The following CNTNAP5 variants were observed in gnomAD, a reference collection of about 807,000 sequenced individuals.
CNTNAP5 encodes the protein contactin associated protein family member 5, also known as contactin-associated protein-like 5.
Under a neutral mutation model 150.2 loss-of-function variants are expected in CNTNAP5, and 72 were observed. That is an observed-to-expected ratio of 0.48 (90% CI 0.40 to 0.58). The LOEUF is 0.58. Among genes scored for constraint, CNTNAP5 ranks in the 20% least tolerant of loss-of-function variants. The probability of loss-of-function intolerance (pLI) is 0.00; values close to 1 mark genes in which losing one functional copy is unlikely to be tolerated. For missense variants in CNTNAP5, 1,636 were observed against 1,626.2 expected, an observed-to-expected ratio of 1.01 and a Z score of -0.10; for synonymous variants, 672 against 619.8, an observed-to-expected ratio of 1.08 and a Z score of -1.25.
chr2:124,779,378 T>C (rs1681400782), intron 17 of CNTNAP5, among the ~76,000 whole-genome samples: 1 of 152,194 alleles, frequency 6.6e-6, no homozygotes, highest in Admixed American at 6.5e-5. Context: ...TTCTTTTTCT[T>C]CTGTCCAACC....
chr2:124,598,896 G>C (rs1434998986), intron 11 of CNTNAP5, among the ~76,000 whole-genome samples: 1 of 152,046 alleles, frequency 6.6e-6, no homozygotes, highest in Non-Finnish European at 1.5e-5. Flanking sequence ...GGGTGGGAGT[G>C]ACCCGATTTT....
At chr2:124,616,450 G>A (rs1677495450) in intron 12 of CNTNAP5, among the ~76,000 whole-genome samples, 1 of 152,126 alleles carries the variant, frequency 6.6e-6, no homozygotes, top group Admixed American at 6.5e-5. Flanking sequence ...GCCTTGCTCT[G>A]GGTTAGGCTT....
chr2:124,804,440 A>G (rs1004004389), intron 19 of CNTNAP5, among the ~76,000 whole-genome samples: 1 of 152,204 alleles, frequency 6.6e-6, no homozygotes, highest in African/African-American at 2.4e-5. Flanking sequence ...AGTCCCAAGA[A>G]GATTGCTATG....
chr2:124,296,929 G>C (rs930526135), intron 3 of CNTNAP5, among the ~76,000 whole-genome samples: 3 of 152,178 alleles, frequency 2.0e-5, no homozygotes, highest in Non-Finnish European at 4.4e-5. Context: ...ATCCTGTTCA[G>C]CAAACGTTGC....
intron 1 of CNTNAP5, among the ~76,000 whole-genome samples, chr2:124,176,933 C>T (rs941159591): frequency 6.7e-6 from 1 of 149,922 alleles, no homozygotes; most frequent in Non-Finnish European, 1.5e-5. Flanking sequence ...CAACTTCTGC[C>T]TCCTGGGTTC....
chr2:124,066,399 G>A (rs998062382), intron 1 of CNTNAP5, among the ~76,000 whole-genome samples: 1 of 152,144 alleles, frequency 6.6e-6, no homozygotes, highest in African/African-American at 2.4e-5. Context: ...TTAATCTAGT[G>A]ATGAGTTTTT....
chr2:124,244,297 T>A (rs1305941015), intron 3 of CNTNAP5, among the ~76,000 whole-genome samples: 1 of 152,096 alleles, frequency 6.6e-6, no homozygotes, highest in Admixed American at 6.6e-5. Flanking sequence ...TCTTTATATG[T>A]CCATTTAGCC....
intron 3 of CNTNAP5, among the ~76,000 whole-genome samples, chr2:124,276,837 A>G (rs537947945): frequency 7.7e-4 from 117 of 152,144 alleles, no homozygotes; most frequent in Non-Finnish European, 1.4e-3. Flanking sequence ...ACCCAGTAAC[A>G]TGTAAAAGGT....
chr2:124,791,962 G>T (rs1681744226), intron 18 of CNTNAP5, among the ~76,000 whole-genome samples: 1 of 152,018 alleles, frequency 6.6e-6, no homozygotes, highest in African/African-American at 2.4e-5. Context: ...AAGTAAGATG[G>T]CCTTTTTAGT....
At chr2:124,317,821 A>C (rs914562890) in intron 3 of CNTNAP5, among the ~76,000 whole-genome samples, 4 of 151,832 alleles carry the variant, frequency 2.6e-5, no homozygotes, top group African/African-American at 9.7e-5. Context: ...TGCACCCTTA[A>C]AGTAATGGAA....
rs550523945 is a variant in CNTNAP5 at position 124,725,655 on chromosome 2, T to A, written c.2078-21574T>A. On this transcript the variant is annotated intron_variant, in intron 13 of 23. Transcript: ENST00000682447. ...CAACTATAGTTATCATGCCACATAT[T>A]AGGTCTCCAGACCTTATTCTGCATA... Among the ~76,000 whole-genome samples, 3 of 152,210 alleles carry A rather than the reference T, an allele frequency of 2.0e-5. No homozygotes were observed. The East Asian group carries it at 5.8e-4, about 29-fold the overall frequency.
chr2:124,167,675 T>G (rs1330900179), intron 1 of CNTNAP5, among the ~76,000 whole-genome samples: 1 of 152,150 alleles, frequency 6.6e-6, no homozygotes, highest in Non-Finnish European at 1.5e-5. Context: ...ACAGCAATCT[T>G]AAGGACAGCT....
At chr2:124,452,409 G>C (rs536627868) in intron 6 of CNTNAP5, among the ~76,000 whole-genome samples, 1 of 152,218 alleles carries the variant, frequency 6.6e-6, no homozygotes, top group South Asian at 2.1e-4. Context: ...TAGAGTCTGA[G>C]TTCAGACATG....
At chr2:124,145,835 A>AAAAAAAAG (rs1684235018) in intron 1 of CNTNAP5, among the ~76,000 whole-genome samples, 4 of 49,790 alleles carry the variant, frequency 8.0e-5, no homozygotes, top group Admixed American at 5.8e-4. Context: ...AAAAGAAGAA[A>AAAAAAAAG]AAAAAAAAAA....
chr2:124,554,939 T>C (rs1346931686), intron 10 of CNTNAP5, among the ~76,000 whole-genome samples: 1 of 152,196 alleles, frequency 6.6e-6, no homozygotes, highest in African/African-American at 2.4e-5. Context: ...TTAGACTTAA[T>C]GTTTTTAGAA....
intron 1 of CNTNAP5, among the ~76,000 whole-genome samples, chr2:124,195,795 TC>T (rs1189061196): frequency 6.6e-6 from 1 of 152,110 alleles, no homozygotes; most frequent in Non-Finnish European, 1.5e-5. Flanking sequence ...TTGTCCTAAC[TC>T]AAGATTCTGT....
At chr2:124,538,628 T>G (rs1177769540) in intron 10 of CNTNAP5, among the ~76,000 whole-genome samples, 3 of 83,730 alleles carry the variant, frequency 3.6e-5, no homozygotes, top group East Asian at 3.1e-4. Context: ...AAAGGAAAAA[T>G]GAAAGAATAA....
At chr2:124,211,169 GAA>G (rs1430534985) in intron 1 of CNTNAP5, among the ~76,000 whole-genome samples, 3 of 152,166 alleles carry the variant, frequency 2.0e-5, no homozygotes, top group Non-Finnish European at 4.4e-5. Flanking sequence ...AGATGATAAA[GAA>G]AGTGCTAAAA....
chr2:124,903,241 G>C (rs1306779946), intron 22 of CNTNAP5, 141 bp downstream of exon 22: 2 of 528,170 alleles, frequency 3.8e-6, no homozygotes, highest in African/African-American at 3.8e-5. Context: ...AATTATGACT[G>C]ATATTTCATG....
Sources: gnomAD v4.1 joint callset for allele counts (sites outside exome capture counted in the v4.1 genomes callset) on GRCh38, gnomAD v4.1.1 for gene constraint, MANE v1.5 for transcripts, NCBI Gene and HGNC (gene_info 2026-07-23, HGNC 2026-07-21) for gene names.